Variants in PLXNB2 observed in about 807,000 individuals in gnomAD.
The protein encoded by PLXNB2 is plexin-B2.
Under a neutral mutation model 202.6 loss-of-function variants are expected in PLXNB2, and 85 were observed. That is an observed-to-expected ratio of 0.42 (90% CI 0.35 to 0.50). The LOEUF (loss-of-function observed/expected upper bound fraction) is 0.50. Ranked by LOEUF, PLXNB2 falls within the 20% of genes least tolerant of loss-of-function variation. The probability of loss-of-function intolerance (pLI) is 0.02; values close to 1 mark genes in which losing one functional copy is unlikely to be tolerated. For missense variants in PLXNB2, 2,063 were observed against 2,586.2 expected (o/e 0.80, Z 4.39); for synonymous variants, 1,239 against 1,137.6 (o/e 1.09, Z -1.79).
intron 1 of PLXNB2, chr22:50,300,364 C>T: frequency 1.0e-6 from 1 of 977,314 alleles, no homozygotes; most frequent in Non-Finnish European, 1.2e-6. Flanking sequence ...CTCCGCCCCG[C>T]CGATGGTGGC....
rs376548374 is a variant in PLXNB2 at position 50,283,714 on chromosome 22, G to A, written c.2458C>T (p.Arg820Cys). ...PETGPLGGGI[R>C]ITILGSNLGV... ...AAATTGGACCCCAGGATGGTGATGC[G>A]GATGCCCCCACCCAGGGGGCCCGTC... The change falls in exon 15 of 37, where the codon CGC (arginine) becomes TGC (cysteine). Residue 820 changes from arginine (R) to cysteine (C), a missense_variant. Coordinates refer to ENST00000359337, the MANE Select transcript of PLXNB2 (RefSeq NM_012401.4). The A allele has an allele frequency of 1.9e-5, 30 of 1,613,020 alleles. No homozygotes were observed. Among genetic ancestry groups the A allele is most frequent in the African/African-American group, 9.3e-5 (7 of 74,904 alleles).
At position 50,307,627 on chromosome 22, in the gene PLXNB2, T is replaced by C; in HGVS notation, c.-148A>G. ...TGCGCTCTGGCCCGCGCTGCTGCCA[T>C]GGAGACGGGGCCTTTGTGTGGCCGA... is the stretch of plus-strand genomic sequence containing the variant. On this transcript the variant is annotated 5_prime_UTR_variant, in exon 1 of 37. An upstream start codon of the reference 5' UTR is lost. Coordinates refer to ENST00000359337, the MANE Select transcript of PLXNB2 (RefSeq NM_012401.4). The C allele has an allele frequency of 1.0e-6, 1 of 978,632 alleles. No homozygotes were observed. The highest frequency in any genetic ancestry group is 1.2e-6 in the Non-Finnish European group (1 of 827,520). 60.6% of individuals were successfully genotyped at this position (978,632 alleles called of 1,614,324 possible).
chr22:50,280,567 G>A lies in PLXNB2; in HGVS notation c.4097C>T (p.Thr1366Met), dbSNP rs759348018. Residue 1366 changes from threonine (T) to methionine (M), a missense_variant, in exon 25 of 37, where the codon ACG (threonine) becomes ATG (methionine). By Grantham distance (81) the Thr-to-Met change is moderately conservative. This residue lies in a region of PLXNB2 where 760 missense variants were observed against 1,109.4 expected (regional missense o/e 0.69). Transcript: ENST00000359337. Reference protein sequence around the residue: ...VALHGKLEYYTDIMHTLFLEL... With the variant: ...VALHGKLEYYMDIMHTLFLEL... ...CAGGAAGAGCGTGTGCATGATGTCCGTGTAGTACTCCAGTTTCCCGTGCAG... is the reference window on the plus strand; with the variant it reads ...CAGGAAGAGCGTGTGCATGATGTCCATGTAGTACTCCAGTTTCCCGTGCAG... The A allele has an allele frequency of 1.7e-5, 28 of 1,612,158 alleles. No individual in the cohort carries two copies. The highest frequency in any genetic ancestry group is 2.2e-5 in the Non-Finnish European group (26 of 1,179,870).
rs112866392 is a variant in PLXNB2, at chr22:50,282,384, C to T, written c.2988-71G>A. On this transcript the variant is annotated intron_variant, in intron 18 of 36. Transcript: ENST00000359337. ...CCTGCAGCCTCCGCCCTCCCGTCCC[C>T]GCCCACCCTGGCCCTGACCACACGG... The T allele has an allele frequency of 3.8e-5, 58 of 1,509,156 alleles. No homozygotes were observed. The African/African-American group carries it at 5.0e-4, about 13-fold the overall frequency. The allele number at this position is 1,509,156 out of a possible 1,614,324, so 93.5% of individuals were successfully genotyped here.
In PLXNB2 at chr22:50,297,363, T is replaced by A. The variant is rs1045596359; in HGVS notation, c.-73-2585A>T. 5.3e-5 allele frequency among the ~76,000 whole-genome samples: 8 copies of A among 152,258 alleles called. No homozygotes were observed. Among genetic ancestry groups the A allele is most frequent in the Non-Finnish European group, 1.5e-5 (1 of 67,990 alleles). On this transcript the variant is annotated intron_variant, in intron 1 of 36. Transcript: ENST00000359337. This position sits in a 1 kb window ranked among gnomAD's most constrained non-coding sequence, Gnocchi z 5.3. ...CCGCACGCCCTCGAACAACCTCCCC[T>A]GAGTGATCGATCCACTCAGGAAGCC...
At chr22:50,304,997 C>T (rs1262657232) in intron 1 of PLXNB2, among the ~76,000 whole-genome samples, 1 of 152,244 alleles carries the variant, frequency 6.6e-6, no homozygotes, top group Non-Finnish European at 1.5e-5. Context: ...GGGACGGAGG[C>T]ATGAGCTGAG....
rs1253631236 is a variant in PLXNB2 at position 50,282,825 on chromosome 22, T to C, written c.2873A>G (p.Gln958Arg). The C allele has an allele frequency of 2.5e-6, 4 of 1,613,010 alleles. No individual in the cohort carries two copies. The highest frequency in any genetic ancestry group is 3.4e-6 in the Non-Finnish European group (4 of 1,179,724). ...CCCGTAGGAGACCTCCAGAAGCATC[T>C]GGCCCCGTGTCGCCTGGGGGCCAGT... is the stretch of plus-strand genomic sequence containing the variant. The part of the protein sequence containing the change: ...CVTGPQATRG[Q>R]MLLEVSYGGS... Residue 958 changes from glutamine to arginine, a missense_variant, in exon 18 of 37, where the codon CAG (glutamine) becomes CGG (arginine). By Grantham distance (43) the Gln-to-Arg change is conservative. Around this residue, in one of 2 missense-constraint regions of PLXNB2, gnomAD observed 1,303 missense variants for 1,476.8 expected, o/e 0.88. Transcript: ENST00000359337.
Position 50,284,809 on chromosome 22 carries a change from C to T in PLXNB2, c.2089-144G>A. The T allele has an allele frequency of 1.3e-6, 1 of 771,496 alleles. No individual in the cohort carries two copies. 47.8% of individuals were successfully genotyped at this position (771,496 alleles called of 1,614,324 possible). A position where few individuals can be genotyped will look rare whatever the true frequency, so the allele number is the denominator to read the frequency against. ...CATGCCCGCCCCTCAGATTACCATG[C>T]CAGCTGACCCCTCGGCCACTCCTGA... On this transcript the variant is annotated intron_variant, in intron 11 of 36. Coordinates refer to ENST00000359337, the MANE Select transcript of PLXNB2 (RefSeq NM_012401.4). This position sits in a 1 kb window ranked among gnomAD's most constrained non-coding sequence, Gnocchi z 8.0.
intron 2 of PLXNB2, among the ~76,000 whole-genome samples, chr22:50,292,052 G>A (rs1211816181): frequency 6.6e-6 from 1 of 152,172 alleles, no homozygotes; most frequent in Non-Finnish European, 1.5e-5. Flanking sequence ...ATATTTGAAA[G>A]TTTTGCCAGG....
Position 50,287,137 on chromosome 22 carries a change from C to A in PLXNB2, c.1736G>T (p.Ser579Ile). 2.0e-6 allele frequency: 3 copies of A among 1,535,042 alleles called. No individual in the cohort carries two copies. The highest frequency in any genetic ancestry group is 1.2e-5 in the South Asian group (1 of 82,196). ...GEAVICNSPS[S>I]IPVTPPGQDH... ...CTGGCCTGGCGGTGTGACGGGGATG[C>A]TGCTTGGGGAGTTGCAGATGACGGC... The change falls in exon 8 of 37, where the codon AGC becomes ATC. Residue 579 changes from serine (S) to isoleucine (I), a missense_variant. Transcript: ENST00000359337.
At chr22:50,296,814 C>G (rs1304430380) in intron 1 of PLXNB2, among the ~76,000 whole-genome samples, 2 of 152,000 alleles carry the variant, frequency 1.3e-5, no homozygotes, top group Non-Finnish European at 2.9e-5. Context: ...CTCCTCCCAC[C>G]CCACCGGGAT....
At chr22:50,277,136 G>A (rs950606017) in intron 33 of PLXNB2, among the ~76,000 whole-genome samples, 1 of 152,080 alleles carries the variant, frequency 6.6e-6, no homozygotes, top group African/African-American at 2.4e-5. Flanking sequence ...GTGAAACCCC[G>A]TCTCTACTAA....
intron 1 of PLXNB2, among the ~76,000 whole-genome samples, chr22:50,296,632 AG>A (rs1353120328): frequency 6.6e-6 from 1 of 151,508 alleles, no homozygotes; most frequent in Non-Finnish European, 1.5e-5. Flanking sequence ...AAAGAAAGAA[AG>A]AAAAGAAGGT....
chr22:50,307,405 C>T, intron 1 of PLXNB2, 148 bp downstream of exon 1: 2 of 280,804 alleles, frequency 7.1e-6, no homozygotes, highest in Non-Finnish European at 1.1e-5. Flanking sequence ...CGGACGGGGC[C>T]CAGGCCCCGG....
In PLXNB2 at chr22:50,279,702, C is replaced by G; in HGVS notation, c.4317G>C (p.Ala1439=). The change falls in exon 27 of 37, where the codon GCG becomes GCC. Residue 1439 remains alanine, a synonymous_variant. Coordinates refer to ENST00000359337, the MANE Select transcript of PLXNB2 (RefSeq NM_012401.4). ...GAGTGTACTTGGCCTTCTTCTGTAC[C>G]GCATCCACCGGGCCCTTTTCCACCT... ...KHQVEKGPVD[A]VQKKAKYTLN... 32 of 1,613,904 alleles carry G rather than the reference C, an allele frequency of 2.0e-5. No individual in the cohort carries two copies. Among genetic ancestry groups the G allele is most frequent in the Non-Finnish European group, 2.7e-5 (32 of 1,179,900 alleles).
rs1434295060 is a variant in PLXNB2, at chr22:50,289,149, A to G, written c.1069-7T>C. 1.3e-6 allele frequency: 2 copies of G among 1,558,110 alleles called. No homozygotes were observed. Among genetic ancestry groups the G allele is most frequent in the Admixed American group, 1.8e-5 (1 of 56,110 alleles). On this transcript the variant is annotated splice_polypyrimidine_tract_variant and splice_region_variant and intron_variant, in intron 3 of 36. Transcript: ENST00000359337. The surrounding 1 kb of genome is among the most constrained non-coding windows in gnomAD (Gnocchi z 8.0). ...GGAAGCTCTTGCTGGAGCCCTGCGG[A>G]CCACAGCGTGTCAATGGCAGGCAGA... is the stretch of plus-strand genomic sequence containing the variant.
intron 1 of PLXNB2, among the ~76,000 whole-genome samples, 173 bp from the exon 2 acceptor site, chr22:50,294,951 C>A (rs2067150053): frequency 6.6e-6 from 1 of 152,220 alleles, no homozygotes; most frequent in Non-Finnish European, 1.5e-5. Flanking sequence ...ACCTCCAGGG[C>A]TCCTGGCACT....
At chr22:50,298,483 C>T (rs1248918596) in intron 1 of PLXNB2, among the ~76,000 whole-genome samples, 1 of 152,208 alleles carries the variant, frequency 6.6e-6, no homozygotes, top group East Asian at 1.9e-4. Flanking sequence ...GGACAGAGCC[C>T]TACTCCAGAT....
intron 1 of PLXNB2, among the ~76,000 whole-genome samples, chr22:50,306,889 G>A (rs1157050017): frequency 2.0e-5 from 3 of 152,236 alleles, no homozygotes; most frequent in Non-Finnish European, 1.5e-5. Context: ...GGGCTCCCCA[G>A]ATCTGCCGAA....
Sources: allele counts gnomAD v4.1 joint callset (sites outside exome capture counted in the v4.1 genomes callset), GRCh38; gene constraint gnomAD v4.1.1; regional missense constraint gnomAD v4.1.1; non-coding constraint Gnocchi (gnomAD v3.1); transcripts MANE v1.5; gene names NCBI Gene and HGNC (gene_info 2026-07-23, HGNC 2026-07-21).